MYO10: variants seen among roughly 807,000 people sequenced by gnomAD.
MYO10 encodes unconventional myosin-X.
Under a neutral mutation model 257.3 loss-of-function variants are expected in MYO10, and 133 were observed. The ratio of observed to expected loss-of-function variants is 0.52; its 90% confidence interval spans 0.45 to 0.60. MYO10 has a LOEUF of 0.60. MYO10 is among the 20% of genes least tolerant of loss of function. The pLI, the probability that MYO10 is intolerant of heterozygous loss-of-function variation, is 0.00. For missense variants in MYO10, 2,399 were observed against 2,635.7 expected, an observed-to-expected ratio of 0.91 and a Z score of 1.97; for synonymous variants, 1,104 against 1,028.6, an observed-to-expected ratio of 1.07 and a Z score of -1.40.
intron 4 of MYO10, among the ~76,000 whole-genome samples, chr5:16,785,291 G>A (rs747056): frequency 0.75 from 114,008 of 152,110 alleles, 43,174 homozygotes; most frequent in Non-Finnish European, 0.82. Flanking sequence ...GCATCTGCTC[G>A]GCCCAGTGCC....
Position 16,791,545 on chromosome 5 carries a change from T to TAC in MYO10, c.467+3099_467+3100dup, listed in dbSNP as rs71595985. 2.6e-3 allele frequency among the ~76,000 whole-genome samples: 93 copies of TAC among 35,636 alleles called. No homozygotes were observed. The South Asian group carries it at 0.032, about 12-fold the overall frequency. The allele number at this position is 35,636 out of a possible 152,430, so 23.4% of individuals were successfully genotyped here. ...ACCTCCTTCCGTTTTAATACATACA[T>TAC]ACACACACACACACACATACACATA... On this transcript the variant is annotated intron_variant, in intron 4 of 40. Transcript: ENST00000513610.
chr5:16,665,577 G>A lies in MYO10; in HGVS notation c.*1115C>T, dbSNP rs1019441183. ...TTAAAGCCTCAGCATTTAATGTCAG[G>A]GTCCTTTGAAGATTCACTCAAGTGT... On this transcript the variant is annotated 3_prime_UTR_variant, in exon 41 of 41. Coordinates refer to ENST00000513610, the MANE Select transcript of MYO10 (RefSeq NM_012334.3). 2.0e-5 allele frequency: 3 copies of A among 152,146 alleles called. No individual in the cohort carries two copies. Among genetic ancestry groups the A allele is most frequent in the African/African-American group, 7.2e-5 (3 of 41,432 alleles). 9.4% of individuals were successfully genotyped at this position (152,146 alleles called of 1,614,324 possible).
chr5:16,923,945 C>CCAGGCAAGGTGGCA (rs1746061990), intron 1 of MYO10, among the ~76,000 whole-genome samples: 1 of 152,068 alleles, frequency 6.6e-6, no homozygotes, highest in Non-Finnish European at 1.5e-5. Context: ...TAAAAATTAG[C>CCAGGCAAGGTGGCA]CAGGCAAGGT....
Position 16,745,864 on chromosome 5 carries a change from T to C in MYO10, c.1929+8964A>G, listed in dbSNP as rs372157885. ...ATTTCCTCAATTCTTAATGCATACA[T>C]GCTCCCATGTGGACATGCTGAAACT... On this transcript the variant is annotated intron_variant, in intron 19 of 40. Transcript: ENST00000513610. Among the ~76,000 whole-genome samples, 6 of 152,148 alleles carry C rather than the reference T, an allele frequency of 3.9e-5. No homozygotes were observed. The East Asian group carries it at 7.7e-4, about 20-fold the overall frequency.
chr5:16,725,578 A>G (rs1579912552), intron 19 of MYO10, among the ~76,000 whole-genome samples: 2 of 152,326 alleles, frequency 1.3e-5, no homozygotes, highest in East Asian at 3.9e-4. Context: ...CATTTTTAAA[A>G]AAGCAATCGT....
At chr5:16,906,529 C>G (rs1745523976) in intron 1 of MYO10, among the ~76,000 whole-genome samples, 1 of 152,212 alleles carries the variant, frequency 6.6e-6, no homozygotes, top group South Asian at 2.1e-4. Context: ...GCTACTGCTT[C>G]TTCAGGCCCA....
chr5:16,734,736 C>T (rs545777550), intron 19 of MYO10, among the ~76,000 whole-genome samples: 2 of 149,450 alleles, frequency 1.3e-5, no homozygotes, highest in African/African-American at 2.5e-5. Context: ...ACCCGGGAGG[C>T]GGAGGTTGCA....
In MYO10 at chr5:16,663,713, A is replaced by C. The variant is rs1031452616; in HGVS notation, c.*2979T>G. ...GAGTGAGACCCTGTCTCAAATAAAC[A>C]ATGTTTAAAACACAGACACACACGG... is the stretch of plus-strand genomic sequence containing the variant. On this transcript the variant is annotated 3_prime_UTR_variant, in exon 41 of 41. Transcript: ENST00000513610. The C allele has an allele frequency of 1.3e-5, 2 of 152,032 alleles. No homozygotes were observed. The highest frequency in any genetic ancestry group is 2.4e-5 in the African/African-American group (1 of 41,366). 9.4% of individuals were successfully genotyped at this position (152,032 alleles called of 1,614,324 possible).
chr5:16,682,801 A>T (rs926535802), intron 30 of MYO10, among the ~76,000 whole-genome samples: 6 of 151,944 alleles, frequency 3.9e-5, no homozygotes, highest in African/African-American at 1.2e-4. Context: ...AAAAATAAAA[A>T]ATAAAAAAAG....
At position 16,672,786 on chromosome 5, in the gene MYO10, T is replaced by C; in HGVS notation, c.5212A>G (p.Ser1738Gly). 1 of 1,613,876 alleles carries C rather than the reference T, an allele frequency of 6.2e-7. No homozygotes were observed. Reference sequence around the variant, plus strand: ...TCAAACAAAGCAAACATGTTCCTGCTGTCCTCCATGGCCAGGCCTCGGATC... The same window carrying C: ...TCAAACAAAGCAAACATGTTCCTGCCGTCCTCCATGGCCAGGCCTCGGATC... The part of the protein sequence containing the change: ...KLIRGLAMED[S>G]RNMFALFEYN... Residue 1738 changes from serine to glycine, a missense_variant, in exon 37 of 41, where the codon AGC becomes GGC. Physicochemically the swap from Ser to Gly is moderately conservative, Grantham distance 56. Around this residue, in one of 3 missense-constraint regions of MYO10, gnomAD observed 1,820 missense variants for 1,939.4 expected, o/e 0.94. Transcript: ENST00000513610.
intron 26 of MYO10, among the ~76,000 whole-genome samples, chr5:16,697,744 T>C (rs1354622404): frequency 1.4e-5 from 2 of 139,138 alleles, no homozygotes; most frequent in South Asian, 2.3e-4. Flanking sequence ...AAAAAGAAAA[T>C]GTAAATGTAA....
intron 21 of MYO10, chr5:16,710,581 TG>T: frequency 3.1e-6 from 1 of 322,196 alleles, no homozygotes; most frequent in Non-Finnish European, 5.9e-6. Flanking sequence ...TTGTAGACAC[TG>T]GGGGCTGCCT....
At chr5:16,793,592 G>A (rs927719191) in intron 4 of MYO10, among the ~76,000 whole-genome samples, 1 of 152,106 alleles carries the variant, frequency 6.6e-6, no homozygotes, top group Admixed American at 6.6e-5. Flanking sequence ...TAAAGTGCTG[G>A]GAGTACAAGT....
chr5:16,812,088 C>G (rs1452347647), intron 3 of MYO10, among the ~76,000 whole-genome samples: 1 of 151,636 alleles, frequency 6.6e-6, no homozygotes, highest in East Asian at 1.9e-4. Context: ...AGAGAGCCAA[C>G]CCCCTCTCCT....
At chr5:16,867,957 C>A (rs529116298) in intron 2 of MYO10, among the ~76,000 whole-genome samples, 4 of 152,294 alleles carry the variant, frequency 2.6e-5, no homozygotes, top group Non-Finnish European at 1.5e-5. Flanking sequence ...AGAGACAATT[C>A]AAACAGAATA....
chr5:16,781,743 C>G lies in MYO10; in HGVS notation c.689G>C (p.Cys230Ser). Residue 230 changes from cysteine to serine, a missense_variant, in exon 6 of 41, where the codon TGT becomes TCT. Coordinates refer to ENST00000513610, the MANE Select transcript of MYO10 (RefSeq NM_012334.3). The part of the protein sequence containing the change: ...RFGKFVQLNI[C>S]QKGNIQGGRI... ...CCCGCCCTGAATATTTCCTTTCTGA[C>G]AGATGTTCAGCTGAACAAACTTCCC... is the stretch of plus-strand genomic sequence containing the variant. 1 of 1,613,910 alleles carries G rather than the reference C, an allele frequency of 6.2e-7. No homozygotes were observed. Among genetic ancestry groups the G allele is most frequent in the Non-Finnish European group, 8.5e-7 (1 of 1,179,828 alleles).
intron 4 of MYO10, among the ~76,000 whole-genome samples, chr5:16,787,448 T>TA (rs1741619234): frequency 6.6e-6 from 1 of 151,916 alleles, no homozygotes; most frequent in South Asian, 2.1e-4. Flanking sequence ...CTAACCCGTC[T>TA]CCTCCTCCTC....
chr5:16,690,136 AAAT>A (rs772257044), intron 27 of MYO10, among the ~76,000 whole-genome samples: 27 of 152,326 alleles, frequency 1.8e-4, no homozygotes, highest in Non-Finnish European at 3.7e-4. Context: ...CCAATTTAAA[AAAT>A]AATAATACTA....
At chr5:16,732,414 C>CG (rs944116834) in intron 19 of MYO10, among the ~76,000 whole-genome samples, 6 of 152,180 alleles carry the variant, frequency 3.9e-5, no homozygotes, top group Non-Finnish European at 8.8e-5. Context: ...GTGAACCTAA[C>CG]GAAACCTTTT....
Sources: gnomAD v4.1 joint callset for allele counts (sites outside exome capture counted in the v4.1 genomes callset) on GRCh38, gnomAD v4.1.1 for gene constraint, gnomAD v4.1.1 regional missense constraint, MANE v1.5 for transcripts, NCBI Gene and HGNC (gene_info 2026-07-23, HGNC 2026-07-21) for gene names.